THSD4: variants seen among roughly 807,000 people sequenced by gnomAD.
THSD4 encodes the protein thrombospondin type-1 domain-containing protein 4.
A neutral mutation model predicts 119.0 loss-of-function variants in THSD4; 69 were observed. The observed-to-expected ratio is 0.58, with a 90% CI of 0.48 to 0.71. THSD4 has a LOEUF of 0.71. Among genes scored for constraint, THSD4 ranks in the 30% least tolerant of loss-of-function variants. The probability of loss-of-function intolerance (pLI) is 0.00; values close to 1 mark genes in which losing one functional copy is unlikely to be tolerated. For synonymous variants in THSD4, 524 were observed against 540.4 expected, an observed-to-expected ratio of 0.97 and a Z score of 0.42; for missense variants, 1,393 against 1,391.1, an observed-to-expected ratio of 1.00 and a Z score of -0.02.
intron 7 of THSD4, among the ~76,000 whole-genome samples, chr15:71,463,593 C>CTTTT (rs1168731512): frequency 6.6e-6 from 1 of 152,162 alleles, no homozygotes; most frequent in Non-Finnish European, 1.5e-5. Flanking sequence ...ATGGGGCAAG[C>CTTTT]TGGGAACTGT....
At chr15:71,369,678 G>A (rs1302688408) in intron 6 of THSD4, among the ~76,000 whole-genome samples, 1 of 152,108 alleles carries the variant, frequency 6.6e-6, no homozygotes, top group East Asian at 1.9e-4. Flanking sequence ...GCTGGATTTG[G>A]TTTGCCAGTA....
At chr15:71,715,775 G>GTT (rs3086733) in intron 8 of THSD4, among the ~76,000 whole-genome samples, 83 of 148,012 alleles carry the variant, frequency 5.6e-4, no homozygotes, top group Admixed American at 1.5e-3. Context: ...TAGGCTCTGG[G>GTT]TTTTTTTTTT....
intron 6 of THSD4, among the ~76,000 whole-genome samples, chr15:71,399,419 C>T (rs528727818): frequency 6.6e-6 from 1 of 152,276 alleles, no homozygotes; most frequent in African/African-American, 2.4e-5. Context: ...AGAGAAGTTC[C>T]TGTCTCCTCT....
At chr15:71,199,802 CTG>C (rs144073334) in intron 3 of THSD4, among the ~76,000 whole-genome samples, 166 of 37,876 alleles carry the variant, frequency 4.4e-3, no homozygotes, top group Middle Eastern at 0.045. Context: ...TGTGTGTGTG[CTG>C]TGTGTGTGTG....
At chr15:71,251,956 A>G (rs2044264507) in intron 5 of THSD4, among the ~76,000 whole-genome samples, 1 of 152,196 alleles carries the variant, frequency 6.6e-6, no homozygotes, top group East Asian at 1.9e-4. Flanking sequence ...TAATCATATT[A>G]AAGTACGTCT....
Position 71,670,443 on chromosome 15 carries a change from G to C in THSD4, c.1357+9709G>C, listed in dbSNP as rs1378012961. ...TTTTATGGCTGCATAGTATTCCATG[G>C]TGTATATGTGCCACATTTTCTTTTT... On this transcript the variant is annotated intron_variant, in intron 8 of 17. Transcript: ENST00000261862. Among the ~76,000 whole-genome samples the C allele has an allele frequency of 2.7e-5, 4 of 150,546 alleles. No homozygotes were observed. In the Admixed American group the frequency reaches 2.7e-4, roughly 10 times the overall value.
chr15:71,773,894 A>G (rs1466253965), intron 17 of THSD4, among the ~76,000 whole-genome samples: 1 of 152,228 alleles, frequency 6.6e-6, no homozygotes, highest in African/African-American at 2.4e-5. Context: ...AATTGATAGC[A>G]TCTTAAAATC....
intron 7 of THSD4, among the ~76,000 whole-genome samples, chr15:71,622,484 C>A (rs183568568): frequency 5.3e-5 from 8 of 152,318 alleles, no homozygotes; most frequent in Admixed American, 1.3e-4. Flanking sequence ...AATCTGGAAG[C>A]CAGTTGACTC....
At chr15:71,554,042 T>C (rs1383041104) in intron 7 of THSD4, among the ~76,000 whole-genome samples, 1 of 151,906 alleles carries the variant, frequency 6.6e-6, no homozygotes, top group Non-Finnish European at 1.5e-5. Context: ...CATCTTTTTG[T>C]ATGCTTTGAA....
intron 7 of THSD4, among the ~76,000 whole-genome samples, chr15:71,564,595 T>C (rs2049186906): frequency 6.6e-6 from 1 of 150,486 alleles, no homozygotes; most frequent in Non-Finnish European, 1.5e-5. Context: ...TTCTTTTGGA[T>C]ATTCCACATA....
intron 8 of THSD4, among the ~76,000 whole-genome samples, chr15:71,663,607 C>CCACT (rs1355835943): frequency 1.3e-5 from 2 of 152,292 alleles, no homozygotes; most frequent in South Asian, 2.1e-4. Flanking sequence ...TTTACCAAAC[C>CCACT]CACTATTCCT....
At chr15:71,651,848 G>A (rs1259624973) in intron 7 of THSD4, among the ~76,000 whole-genome samples, 3 of 152,190 alleles carry the variant, frequency 2.0e-5, no homozygotes, top group Admixed American at 6.5e-5. Context: ...GTTTAGGTAA[G>A]TACCCTCTTG....
chr15:71,658,768 G>A (rs1275013986), intron 7 of THSD4, among the ~76,000 whole-genome samples: 1 of 152,216 alleles, frequency 6.6e-6, no homozygotes, highest in Non-Finnish European at 1.5e-5. Flanking sequence ...AGGCTAATTG[G>A]ATGTGGATGA....
At chr15:71,378,900 C>T (rs1387571279) in intron 6 of THSD4, among the ~76,000 whole-genome samples, 4 of 152,138 alleles carry the variant, frequency 2.6e-5, no homozygotes, top group Non-Finnish European at 4.4e-5. Flanking sequence ...CCTCCTGCCT[C>T]GGCCTCTTGA....
At chr15:71,378,820 G>A (rs1265913321) in intron 6 of THSD4, among the ~76,000 whole-genome samples, 3 of 152,194 alleles carry the variant, frequency 2.0e-5, no homozygotes, top group Non-Finnish European at 2.9e-5. Context: ...GTCTCACTCT[G>A]TTGCCCAGGC....
intron 7 of THSD4, among the ~76,000 whole-genome samples, chr15:71,434,704 C>T (rs867509298): frequency 9.2e-5 from 14 of 152,000 alleles, no homozygotes; most frequent in South Asian, 8.3e-4. Context: ...CAAAAGAGAA[C>T]GGAGAAGCTT....
chr15:71,389,542 T>G (rs1455089989), intron 6 of THSD4, among the ~76,000 whole-genome samples: 1 of 152,022 alleles, frequency 6.6e-6, no homozygotes, highest in Non-Finnish European at 1.5e-5. Flanking sequence ...CATCCACTGA[T>G]GGGCAGTTGA....
At chr15:71,376,661 C>G (rs2140444343) in intron 6 of THSD4, among the ~76,000 whole-genome samples, 1 of 152,334 alleles carries the variant, frequency 6.6e-6, no homozygotes, top group East Asian at 1.9e-4. Context: ...GACTCCTAGT[C>G]TCTGCTGTCT....
At chr15:71,426,699 G>T (rs1470051851) in intron 7 of THSD4, among the ~76,000 whole-genome samples, 8 of 152,166 alleles carry the variant, frequency 5.3e-5, no homozygotes, top group Non-Finnish European at 2.9e-5. Flanking sequence ...ACTCTTTGTG[G>T]ACTCTCTCTC....
Sources: allele counts gnomAD v4.1 joint callset (sites outside exome capture counted in the v4.1 genomes callset), GRCh38; gene constraint gnomAD v4.1.1; transcripts MANE v1.5; gene names NCBI Gene and HGNC (gene_info 2026-07-23, HGNC 2026-07-21).